The following ROCK1 variants were observed in gnomAD, a reference collection of about 807,000 sequenced individuals.
ROCK1 encodes the protein rho-associated protein kinase 1.
ROCK1 carries 36 observed loss-of-function variants against 196.8 expected under a neutral mutation model. That is an observed-to-expected ratio of 0.18 (90% CI 0.14 to 0.24). The LOEUF is 0.24. ROCK1 is among the 10% of genes least tolerant of loss of function. The pLI, the probability that ROCK1 is intolerant of heterozygous loss-of-function variation, is 1.00. For missense variants in ROCK1, 920 were observed against 1,562.0 expected (o/e 0.59, Z 6.93); for synonymous variants, 443 against 515.9 (o/e 0.86, Z 1.91).
At chr18:21,053,089 C>T (rs2036217512) in intron 2 of ROCK1, among the ~76,000 whole-genome samples, 1 of 152,134 alleles carries the variant, frequency 6.6e-6, no homozygotes, top group South Asian at 2.1e-4. Context: ...TTTTAATTGA[C>T]TATTGATGCC....
At chr18:21,036,874 A>G (rs1357428319) in intron 9 of ROCK1, among the ~76,000 whole-genome samples, 1 of 152,316 alleles carries the variant, frequency 6.6e-6, no homozygotes, top group African/African-American at 2.4e-5. Context: ...AATACTAAAT[A>G]TAACAGTATT....
intron 13 of ROCK1, among the ~76,000 whole-genome samples, chr18:21,014,100 G>A (rs1425417287): frequency 2.0e-5 from 3 of 150,226 alleles, no homozygotes; most frequent in African/African-American, 2.5e-5. Flanking sequence ...TGAGGCTACC[G>A]TTTTTCTGTG....
chr18:21,006,436 G>A lies in ROCK1; in HGVS notation c.1800C>T (p.Asp600=), dbSNP rs772638883. 2.5e-6 allele frequency: 4 copies of A among 1,613,508 alleles called. No homozygotes were observed. Among genetic ancestry groups the A allele is most frequent in the East Asian group, 2.2e-5 (1 of 44,828 alleles). Residue 600 remains aspartate (D), a synonymous_variant, in exon 16 of 33, where the codon GAC becomes GAT. Coordinates refer to ENST00000399799, the MANE Select transcript of ROCK1 (RefSeq NM_005406.3). The part of the protein sequence containing the change: ...RILENSKSQT[D]KDYYQLQAIL... Reference sequence around the variant, plus strand: ...TAGCTTGCAGCTGGTAATAATCTTTGTCTGTTTGTGACTTAGAATTCTCTA... The same window carrying A: ...TAGCTTGCAGCTGGTAATAATCTTTATCTGTTTGTGACTTAGAATTCTCTA...
chr18:20,962,470 C>T (rs2035336279), intron 27 of ROCK1, among the ~76,000 whole-genome samples: 1 of 151,918 alleles, frequency 6.6e-6, no homozygotes, highest in Admixed American at 6.6e-5. Context: ...GCCAAAATAC[C>T]CTATACTTTC....
rs1456635503 is a variant in ROCK1 at position 20,948,681 on chromosome 18, T to C, written c.*2703A>G. On this transcript the variant is annotated 3_prime_UTR_variant, in exon 33 of 33. Transcript: ENST00000399799. ...ATTCCACACTCCTAGTGTGTCCTCC[T>C]GTAACAAATTAGAGAGAAAGCTAGA... The C allele has an allele frequency of 3.3e-5, 5 of 150,772 alleles. No homozygotes were observed. Among genetic ancestry groups the C allele is most frequent in the Non-Finnish European group, 2.9e-5 (2 of 67,890 alleles). 9.3% of individuals were successfully genotyped at this position (150,772 alleles called of 1,614,324 possible).
intron 14 of ROCK1, among the ~76,000 whole-genome samples, chr18:21,007,293 C>T (rs1198263608): frequency 1.1e-4 from 17 of 152,112 alleles, no homozygotes; most frequent in Admixed American, 2.6e-4. Flanking sequence ...TTGTTTTAAA[C>T]ACAAGCAATC....
intron 22 of ROCK1, among the ~76,000 whole-genome samples, chr18:20,972,834 A>G (rs1315460148): frequency 2.0e-5 from 3 of 152,210 alleles, no homozygotes; most frequent in African/African-American, 7.2e-5. Flanking sequence ...TCACTTTTCA[A>G]GTAAGTTGGC....
At chr18:21,046,432 TTAAC>T (rs1221800026) in intron 4 of ROCK1, among the ~76,000 whole-genome samples, 3 of 152,212 alleles carry the variant, frequency 2.0e-5, no homozygotes, top group Non-Finnish European at 4.4e-5. Context: ...ACCTAACAGA[TTAAC>T]TGTCTTTCAG....
intron 13 of ROCK1, among the ~76,000 whole-genome samples, chr18:21,013,042 A>G (rs2143448946): frequency 6.6e-6 from 1 of 152,284 alleles, no homozygotes; most frequent in Non-Finnish European, 1.5e-5. Context: ...TCACTGAAAC[A>G]TATTTATGGT....
intron 12 of ROCK1, among the ~76,000 whole-genome samples, chr18:21,017,228 G>C (rs1398950292): frequency 8.8e-6 from 1 of 114,166 alleles, no homozygotes; most frequent in Non-Finnish European, 1.6e-5. Context: ...ATCTCGCTCT[G>C]TTGCCCATGC....
chr18:20,963,636 T>C (rs1175191076), intron 27 of ROCK1, among the ~76,000 whole-genome samples: 1 of 152,166 alleles, frequency 6.6e-6, no homozygotes, highest in African/African-American at 2.4e-5. Context: ...GGAGTATCAA[T>C]ACCAAGTTTT....
At chr18:21,085,094 G>A (rs1431081854) in intron 1 of ROCK1, among the ~76,000 whole-genome samples, 2 of 152,114 alleles carry the variant, frequency 1.3e-5, no homozygotes, top group African/African-American at 2.4e-5. Context: ...TAGGCTGGAG[G>A]GACAGGGAAT....
chr18:20,969,113 A>G lies in ROCK1; in HGVS notation c.2914+2T>C, dbSNP rs1388256964. On this transcript the variant is annotated splice_donor_variant, in intron 24 of 32. Transcript: ENST00000399799. LOFTEE classifies it high-confidence loss of function. Reference sequence around the variant, plus strand: ...TGATGATTTTTTAAAAATTCTACATACCTTCCTCTGCCTTCTTCATTTTCT... The same window carrying G: ...TGATGATTTTTTAAAAATTCTACATGCCTTCCTCTGCCTTCTTCATTTTCT... 1 of 1,541,946 alleles carries G rather than the reference A, an allele frequency of 6.5e-7. No individual in the cohort carries two copies. Among genetic ancestry groups the G allele is most frequent in the Non-Finnish European group, 8.9e-7 (1 of 1,123,720 alleles).
intron 12 of ROCK1, among the ~76,000 whole-genome samples, chr18:21,016,729 T>C (rs1435807866): frequency 6.6e-6 from 1 of 152,096 alleles, no homozygotes; most frequent in African/African-American, 2.4e-5. Flanking sequence ...TCATCCTCCC[T>C]CACTCCCATT....
intron 1 of ROCK1, among the ~76,000 whole-genome samples, chr18:21,087,023 T>A (rs184289974): frequency 3.9e-5 from 6 of 152,146 alleles, no homozygotes; most frequent in African/African-American, 1.4e-4. Context: ...ATATTAAACA[T>A]GAATATATTA....
intron 2 of ROCK1, among the ~76,000 whole-genome samples, chr18:21,050,126 T>G (rs1293742559): frequency 6.6e-6 from 1 of 152,130 alleles, no homozygotes; most frequent in Non-Finnish European, 1.5e-5. Context: ...AAAATTTGAC[T>G]TAACAGAATG....
chr18:21,110,787 C>G (rs2036744094), intron 1 of ROCK1, 31 bp downstream of exon 1: 2 of 1,573,910 alleles, frequency 1.3e-6, no homozygotes, highest in Non-Finnish European at 1.7e-6. Context: ...TGCAAAACCC[C>G]AGACAAGCAA....
chr18:20,957,857 C>T (rs998188108), intron 29 of ROCK1, among the ~76,000 whole-genome samples: 3 of 151,882 alleles, frequency 2.0e-5, no homozygotes, highest in South Asian at 2.1e-4. Context: ...CGCTATGTTG[C>T]CCAGGCTGGT....
At chr18:20,956,435 G>A (rs2035242935) in intron 29 of ROCK1, among the ~76,000 whole-genome samples, 1 of 152,114 alleles carries the variant, frequency 6.6e-6, no homozygotes. Context: ...ATCCATGTTT[G>A]GATGAATATA....
Sources: allele counts gnomAD v4.1 joint callset (sites outside exome capture counted in the v4.1 genomes callset), GRCh38; gene constraint gnomAD v4.1.1; transcripts MANE v1.5; gene names NCBI Gene and HGNC (gene_info 2026-07-23, HGNC 2026-07-21).